Variants in ARMC8 observed in about 807,000 individuals in gnomAD.
ARMC8 encodes the protein armadillo repeat-containing protein 8.
ARMC8 carries 20 observed loss-of-function variants against 99.3 expected under a neutral mutation model. That is an observed-to-expected ratio of 0.20 (90% CI 0.14 to 0.29). The LOEUF (loss-of-function observed/expected upper bound fraction) is 0.29, where lower values mean the gene tolerates loss of function less well. Ranked by LOEUF, ARMC8 falls within the 10% of genes least tolerant of loss-of-function variation. ARMC8 has a pLI of 1.00. For missense variants in ARMC8, 569 were observed against 809.5 expected, an observed-to-expected ratio of 0.70 and a Z score of 3.60; for synonymous variants, 263 against 278.3, an observed-to-expected ratio of 0.95 and a Z score of 0.55.
At chr3:138,246,838 C>T (rs1339175852) in intron 12 of ARMC8, 4 of 958,046 alleles carry the variant, frequency 4.2e-6, no homozygotes, top group East Asian at 1.2e-4. Flanking sequence ...AACTCCTGAT[C>T]GTTTCTGTAG....
chr3:138,249,182 A>G lies in ARMC8; in HGVS notation c.1134+3999A>G, dbSNP rs967589192. ...AATATTGCATTATTAAGCACCCATT[A>G]TCTTATATGCTCTTGTCTGCATTAG... On this transcript the variant is annotated intron_variant, in intron 12 of 21. Transcript: ENST00000469044. Among the ~76,000 whole-genome samples, 5 of 152,204 alleles carry G rather than the reference A, an allele frequency of 3.3e-5. No homozygotes were observed. In the East Asian group the frequency reaches 5.8e-4, roughly 18 times the overall value.
intron 16 of ARMC8, among the ~76,000 whole-genome samples, chr3:138,271,798 C>CTTTCTTTTTTTTTTTTTTTTTTT (rs1018824241): frequency 2.2e-5 from 3 of 136,134 alleles, no homozygotes; most frequent in African/African-American, 8.5e-5. Flanking sequence ...TTTTTTCTTT[C>CTTTCTTTTTTTTTTTTTTTTTTT]TTTTTTTTTT....
chr3:138,229,132 GTGTATATATATATATATA>G (rs1294037433), intron 6 of ARMC8, 122 bp downstream of exon 6: 50 of 110,076 alleles, frequency 4.5e-4, no homozygotes, highest in African/African-American at 2.3e-3. Context: ...GTGTGTGTGC[GTGTATATATATATATATA>G]TATATATATA....
intron 1 of ARMC8, 174 bp downstream of exon 1, chr3:138,187,773 A>T: frequency 1.5e-6 from 1 of 673,250 alleles, no homozygotes. Flanking sequence ...GGCAGAGGGG[A>T]CCGCGGCCGA....
intron 18 of ARMC8, 47 bp from the exon 19 acceptor site, chr3:138,284,384 T>C: frequency 6.8e-7 from 1 of 1,466,876 alleles, no homozygotes; most frequent in Non-Finnish European, 9.5e-7. Flanking sequence ...AGCTTGACTC[T>C]GGGACTTCAG....
At chr3:138,285,669 T>C (rs1401412206) in intron 19 of ARMC8, among the ~76,000 whole-genome samples, 1 of 152,222 alleles carries the variant, frequency 6.6e-6, no homozygotes, top group Non-Finnish European at 1.5e-5. Context: ...TAGTGATATA[T>C]GTTTGTGTGC....
rs181741276 is a variant in ARMC8 at position 138,224,668 on chromosome 3, T to C, written c.435+935T>C. On this transcript the variant is annotated intron_variant, in intron 5 of 21. Transcript: ENST00000469044. ...CGGGAGGCTGAGCCATGAAAATCACTTGAACCCAGGAGGAGACGTTGCAGT... is the reference window on the plus strand; with the variant it reads ...CGGGAGGCTGAGCCATGAAAATCACCTGAACCCAGGAGGAGACGTTGCAGT... Among the ~76,000 whole-genome samples the C allele has an allele frequency of 2.6e-5, 4 of 152,300 alleles. No individual in the cohort carries two copies. The East Asian group carries it at 7.7e-4, about 29-fold the overall frequency.
At chr3:138,272,212 C>A (rs2048867344) in intron 16 of ARMC8, among the ~76,000 whole-genome samples, 2 of 152,160 alleles carry the variant, frequency 1.3e-5, no homozygotes, top group Non-Finnish European at 2.9e-5. Flanking sequence ...GTATTGTGAA[C>A]ACAAGAGATG....
chr3:138,242,014 G>A (rs1405611831), intron 11 of ARMC8, 31 bp downstream of exon 11: 5 of 1,591,972 alleles, frequency 3.1e-6, no homozygotes, highest in Non-Finnish European at 4.3e-6. Context: ...AGCAGCTCAA[G>A]GGAGATTTTT....
Position 138,273,962 on chromosome 3 carries a change from G to A in ARMC8, c.1630-487G>A, listed in dbSNP as rs148388904. Reference sequence around the variant, plus strand: ...CTCCCAAGTAGCTGGGATTACAGGCGTGTACCACCATGCCCAGCTAATTTT... The same window carrying A: ...CTCCCAAGTAGCTGGGATTACAGGCATGTACCACCATGCCCAGCTAATTTT... On this transcript the variant is annotated intron_variant, in intron 17 of 21. Transcript: ENST00000469044. Among the ~76,000 whole-genome samples the A allele has an allele frequency of 7.3e-3, 1,107 of 152,012 alleles. 10 individuals carry two copies. Among genetic ancestry groups the A allele is most frequent in the African/African-American group, 0.025 (1,032 of 41,486 alleles).
intron 5 of ARMC8, among the ~76,000 whole-genome samples, chr3:138,227,149 G>A (rs998784041): frequency 6.6e-6 from 1 of 152,162 alleles, no homozygotes. Flanking sequence ...TATCAGATGG[G>A]TGATTTTGGG....
intron 7 of ARMC8, 50 bp downstream of exon 7, chr3:138,235,164 C>G (rs199671345): frequency 8.1e-7 from 1 of 1,235,776 alleles, no homozygotes; most frequent in East Asian, 2.3e-5. Context: ...TTTGTGATTT[C>G]TAGAAACAGA....
chr3:138,243,501 C>A (rs2046728496), intron 11 of ARMC8, among the ~76,000 whole-genome samples: 1 of 152,088 alleles, frequency 6.6e-6, no homozygotes, highest in Admixed American at 6.6e-5. Context: ...GTAGTTAAGA[C>A]TTTAAGAGTA....
intron 1 of ARMC8, among the ~76,000 whole-genome samples, chr3:138,203,660 A>C (rs1293336123): frequency 1.3e-5 from 2 of 152,222 alleles, no homozygotes; most frequent in African/African-American, 4.8e-5. Context: ...TACTTGATCC[A>C]GTCCTCACTC....
rs1367785074 is a variant in ARMC8, at chr3:138,241,728, T to C, written c.838-55T>C. 5 of 1,476,434 alleles carry C rather than the reference T, an allele frequency of 3.4e-6. No homozygotes were observed. In the African/African-American group the frequency reaches 5.5e-5, roughly 16 times the overall value. 91.5% of individuals were successfully genotyped at this position (1,476,434 alleles called of 1,614,324 possible). A position where few individuals can be genotyped will look rare whatever the true frequency, so the allele number is the denominator to read the frequency against. ...CTATTGAGTTGATTCAGTCACTATA[T>C]GCTTAAGCTTTTACCTTTACCAAAA... On this transcript the variant is annotated intron_variant, in intron 10 of 21. Transcript: ENST00000469044.
Position 138,279,010 on chromosome 3 carries a change from A to G in ARMC8, c.1725+4466A>G, listed in dbSNP as rs115337326. Among the ~76,000 whole-genome samples, 1,102 of 152,250 alleles carry G rather than the reference A, an allele frequency of 7.2e-3. 11 individuals carry two copies. Among genetic ancestry groups the G allele is most frequent in the African/African-American group, 0.025 (1,032 of 41,554 alleles). On this transcript the variant is annotated intron_variant, in intron 18 of 21. Coordinates refer to ENST00000469044, the MANE Select transcript of ARMC8 (RefSeq NM_001363941.2). The stretch of plus-strand genomic sequence containing the variant: ...CTTTATTTCTTACTTTCCAATCTAT[A>G]TGCTATTTTGTTTTTCTTGTTTCAT...
intron 2 of ARMC8, among the ~76,000 whole-genome samples, chr3:138,220,924 A>G (rs1403512497): frequency 3.3e-5 from 5 of 152,124 alleles, no homozygotes; most frequent in Admixed American, 3.3e-4. Flanking sequence ...TCCTGAGTTC[A>G]AGCAATCTGC....
chr3:138,209,340 G>T (rs2044566335), intron 1 of ARMC8, among the ~76,000 whole-genome samples: 1 of 152,160 alleles, frequency 6.6e-6, no homozygotes, highest in Admixed American at 6.5e-5. Flanking sequence ...TGAGAACTAG[G>T]AGTCTTCTTT....
Position 138,273,032 on chromosome 3 carries a change from G to A in ARMC8, c.1545G>A (p.Gln515=), listed in dbSNP as rs1466958985. ...TTTTACGAAGCTTGAGTACTGAACA[G>A]CTATTCCGGTTATTATCAGATTCAG... is the stretch of plus-strand genomic sequence containing the variant. ...ADILRSLSTE[Q]LFRLLSDSDL... Residue 515 remains glutamine, a synonymous_variant, in exon 17 of 22, where the codon CAG becomes CAA. Transcript: ENST00000469044. The A allele has an allele frequency of 6.2e-7, 1 of 1,613,144 alleles. No homozygotes were observed. Among genetic ancestry groups the A allele is most frequent in the Non-Finnish European group, 8.5e-7 (1 of 1,179,466 alleles).
Sources: gnomAD v4.1 joint callset for allele counts (sites outside exome capture counted in the v4.1 genomes callset) on GRCh38, gnomAD v4.1.1 for gene constraint, MANE v1.5 for transcripts, NCBI Gene and HGNC (gene_info 2026-07-23, HGNC 2026-07-21) for gene names.